RFESD: variants seen among roughly 807,000 people sequenced by gnomAD.
RFESD encodes Rieske Fe-S domain containing, also known as Rieske domain-containing protein.
Under a neutral mutation model 24.4 loss-of-function variants are expected in RFESD, and 16 were observed. That is an observed-to-expected ratio of 0.66 (90% CI 0.44 to 1.00). RFESD has a LOEUF of 1.00. Among genes scored for constraint, RFESD ranks in the 50% least tolerant of loss-of-function variants. The pLI, the probability that RFESD is intolerant of heterozygous loss-of-function variation, is 0.00. For missense variants in RFESD, 208 were observed against 247.0 expected, an observed-to-expected ratio of 0.84 and a Z score of 1.06; for synonymous variants, 59 against 81.8, an observed-to-expected ratio of 0.72 and a Z score of 1.50.
At chr5:95,650,627 A>G (rs888411572) in intron 1 of RFESD, among the ~76,000 whole-genome samples, 5 of 152,216 alleles carry the variant, frequency 3.3e-5, no homozygotes, top group African/African-American at 9.7e-5. Context: ...AAAACTTCCA[A>G]TCAGTTATAT....
At chr5:95,652,058 G>A in intron 1 of RFESD, 79 bp from the exon 2 acceptor site, 1 of 440,858 alleles carries the variant, frequency 2.3e-6, no homozygotes. Context: ...TTTTCTTCAT[G>A]TATTATTTAT....
chr5:95,651,108 A>AAC (rs1440600378), intron 1 of RFESD, among the ~76,000 whole-genome samples: 1 of 151,734 alleles, frequency 6.6e-6, no homozygotes, highest in African/African-American at 2.4e-5. Flanking sequence ...AAAAAAAAAA[A>AAC]AAAAAAAAAA....
chr5:95,656,579 A>G lies in RFESD; in HGVS notation c.*270A>G, dbSNP rs1458381557. 1 of 240,676 alleles carries G rather than the reference A, an allele frequency of 4.2e-6. No homozygotes were observed. The highest frequency in any genetic ancestry group is 7.9e-6 in the Non-Finnish European group (1 of 127,372). The allele number at this position is 240,676 out of a possible 1,614,324, so 14.9% of individuals were successfully genotyped here. On this transcript the variant is annotated 3_prime_UTR_variant, in exon 6 of 6. Transcript: ENST00000380005. ...TGTTCTGTTTAAGAAGGATAAAAAT[A>G]AATTTGGAGTAAACAAATAATAGGT...
At position 95,656,846 on chromosome 5, in the gene RFESD, A is replaced by C. The variant is rs1317372165; in HGVS notation, c.*537A>C. ...TCTCCTATTTGATTGTTATTTTTAC[A>C]TTTTTAGGAAAGTTTAAATACATTG... On this transcript the variant is annotated 3_prime_UTR_variant, in exon 6 of 6. Coordinates refer to ENST00000380005, the MANE Select transcript of RFESD (RefSeq NM_001131066.2). 6.6e-6 allele frequency: 1 copy of C among 152,632 alleles called. No individual in the cohort carries two copies. Among genetic ancestry groups the C allele is most frequent in the Non-Finnish European group, 1.5e-5 (1 of 68,474 alleles). The allele number at this position is 152,632 out of a possible 1,614,324, so 9.5% of individuals were successfully genotyped here. A position where few individuals can be genotyped will look rare whatever the true frequency, so the allele number is the denominator to read the frequency against.
At chr5:95,648,681 CCA>C (rs1389068888) in intron 1 of RFESD, among the ~76,000 whole-genome samples, 2 of 152,086 alleles carry the variant, frequency 1.3e-5, no homozygotes, top group East Asian at 3.8e-4. Flanking sequence ...TCATTTAGCC[CCA>C]GTCTTCTCTG....
At position 95,658,054 on chromosome 5, in the gene RFESD, A is replaced by C. The variant is rs1358445338; in HGVS notation, c.*1745A>C. On this transcript the variant is annotated 3_prime_UTR_variant, in exon 6 of 6. Transcript: ENST00000380005. ...CTAAATTTGTATCTCTAAATCTAGA[A>C]ATAAAAATCATATCATGTACTGTCT... 6.6e-6 allele frequency: 1 copy of C among 152,190 alleles called. No homozygotes were observed. The highest frequency in any genetic ancestry group is 1.5e-5 in the Non-Finnish European group (1 of 68,018). The allele number at this position is 152,190 out of a possible 1,614,324, so 9.4% of individuals were successfully genotyped here. A position where few individuals can be genotyped will look rare whatever the true frequency, so the allele number is the denominator to read the frequency against.
chr5:95,652,964 C>T, intron 2 of RFESD, 153 bp from the exon 3 acceptor site: 1 of 1,030,976 alleles, frequency 9.7e-7, no homozygotes. Context: ...TCTTCAGTGG[C>T]TTTCCTTTGC....
At chr5:95,651,268 T>G (rs1165932475) in intron 1 of RFESD, among the ~76,000 whole-genome samples, 1 of 152,158 alleles carries the variant, frequency 6.6e-6, no homozygotes, top group East Asian at 1.9e-4. Flanking sequence ...TTGAAGAAGG[T>G]GTGGATGATG....
intron 1 of RFESD, among the ~76,000 whole-genome samples, chr5:95,648,969 A>T (rs1750209949): frequency 6.8e-6 from 1 of 147,988 alleles, no homozygotes; most frequent in Non-Finnish European, 1.5e-5. Flanking sequence ...CAAGTTTTGA[A>T]ATTAGCTGTA....
chr5:95,653,296 T>C, intron 3 of RFESD, 82 bp downstream of exon 3: 1 of 1,530,612 alleles, frequency 6.5e-7, no homozygotes, highest in East Asian at 2.5e-5. Context: ...GAGCCAACTG[T>C]GTACTCCAGG....
At chr5:95,647,693 CTA>C (rs1445888193) in intron 1 of RFESD, 4 of 151,646 alleles carry the variant, frequency 2.6e-5, no homozygotes, top group Non-Finnish European at 5.9e-5. Flanking sequence ...AATATCAATA[CTA>C]TATATATCAC....
chr5:95,655,958 T>A (rs1750729443), intron 5 of RFESD, 88 bp from the exon 6 acceptor site: 3 of 1,275,736 alleles, frequency 2.4e-6, no homozygotes, highest in African/African-American at 1.5e-5. Flanking sequence ...CCTGTTTTTT[T>A]AACCTGGTTC....
chr5:95,649,627 T>G (rs1750232896), intron 1 of RFESD, among the ~76,000 whole-genome samples: 1 of 152,244 alleles, frequency 6.6e-6, no homozygotes, highest in Non-Finnish European at 1.5e-5. Flanking sequence ...TTTGTCAGCC[T>G]GGTGGATAGA....
Position 95,654,386 on chromosome 5 carries a change from A to T in RFESD, c.369+19A>T. On this transcript the variant is annotated intron_variant, in intron 5 of 5. Transcript: ENST00000380005. ...TATAGAGGTATGTAAAATTAAATTT[A>T]TTTTCAGCAAATTCAGCAAATAAAT... 2.0e-6 allele frequency: 3 copies of T among 1,524,698 alleles called. No homozygotes were observed. In the African/African-American group the frequency reaches 4.2e-5, roughly 21 times the overall value. The allele number at this position is 1,524,698 out of a possible 1,614,324, so 94.4% of individuals were successfully genotyped here.
At chr5:95,653,615 A>G (rs1750501566) in intron 3 of RFESD, among the ~76,000 whole-genome samples, 1 of 152,168 alleles carries the variant, frequency 6.6e-6, no homozygotes, top group South Asian at 2.1e-4. Context: ...TCCAGTATTT[A>G]TGGCCGGGCG....
chr5:95,654,377 ATTAAAT>A lies in RFESD; in HGVS notation c.369+14_369+19del. 6.4e-7 allele frequency: 1 copy of A among 1,560,528 alleles called. No homozygotes were observed. Among genetic ancestry groups the A allele is most frequent in the Non-Finnish European group, 8.7e-7 (1 of 1,145,668 alleles). On this transcript the variant is annotated intron_variant, in intron 5 of 5. Coordinates refer to ENST00000380005, the MANE Select transcript of RFESD (RefSeq NM_001131066.2). ...TTTGGGAGATATAGAGGTATGTAAA[ATTAAAT>A]TTATTTTCAGCAAATTCAGCAAATA...
At chr5:95,653,338 C>A in intron 3 of RFESD, 124 bp downstream of exon 3, 1 of 1,336,726 alleles carries the variant, frequency 7.5e-7, no homozygotes, top group Non-Finnish European at 1.0e-6. Flanking sequence ...AGCCAAGAGG[C>A]TGAAGACTAT....
chr5:95,646,777 G>C lies in RFESD; in HGVS notation c.-176G>C, dbSNP rs1304032299. On this transcript the variant is annotated 5_prime_UTR_variant, in exon 1 of 6. Transcript: ENST00000380005. Reference sequence around the variant, plus strand: ...GCGCACGTCTGGAGCTCTGGCTCGTGCAGTAGCGTCACGCGGAGGCGGAGC... The same window carrying C: ...GCGCACGTCTGGAGCTCTGGCTCGTCCAGTAGCGTCACGCGGAGGCGGAGC... 1 of 152,244 alleles carries C rather than the reference G, an allele frequency of 6.6e-6. No homozygotes were observed. Among genetic ancestry groups the C allele is most frequent in the Non-Finnish European group, 1.5e-5 (1 of 68,074 alleles). 9.4% of individuals were successfully genotyped at this position (152,244 alleles called of 1,614,324 possible). A position where few individuals can be genotyped will look rare whatever the true frequency, so the allele number is the denominator to read the frequency against.
chr5:95,648,672 C>T (rs1750199825), intron 1 of RFESD, among the ~76,000 whole-genome samples: 1 of 152,112 alleles, frequency 6.6e-6, no homozygotes, highest in Admixed American at 6.5e-5. Context: ...AAACCTTTAT[C>T]ATTTAGCCCC....
Sources: allele counts gnomAD v4.1 joint callset (sites outside exome capture counted in the v4.1 genomes callset), GRCh38; gene constraint gnomAD v4.1.1; transcripts MANE v1.5; gene names NCBI Gene and HGNC (gene_info 2026-07-23, HGNC 2026-07-21).